The following PHACTR3 variants were observed in gnomAD, a reference collection of about 807,000 sequenced individuals.
PHACTR3 encodes protein phosphatase 1, regulatory subunit 123.
PHACTR3 carries 16 observed loss-of-function variants against 66.8 expected under a neutral mutation model. The observed-to-expected ratio is 0.24, with a 90% CI of 0.16 to 0.36. The LOEUF (loss-of-function observed/expected upper bound fraction) is 0.36, where lower values mean the gene tolerates loss of function less well. Among genes scored for constraint, PHACTR3 ranks in the 10% least tolerant of loss-of-function variants. The pLI is 1.00. For missense variants in PHACTR3, 647 were observed against 719.9 expected, an observed-to-expected ratio of 0.90 and a Z score of 1.16; for synonymous variants, 323 against 292.1, an observed-to-expected ratio of 1.11 and a Z score of -1.08.
chr20:59,582,931 T>G (rs2032904413), intron 1 of PHACTR3, among the ~76,000 whole-genome samples: 1 of 141,884 alleles, frequency 7.0e-6, no homozygotes, highest in East Asian at 1.9e-4. Context: ...TGTATCCAGC[T>G]TTTTTTTTGT....
At chr20:59,842,298 A>C (rs1395603745) in intron 11 of PHACTR3, among the ~76,000 whole-genome samples, 1 of 152,200 alleles carries the variant, frequency 6.6e-6, no homozygotes, top group Non-Finnish European at 1.5e-5. Flanking sequence ...TTAGGAAGAG[A>C]AAAATTATAC....
At chr20:59,797,455 C>G (rs954557169) in intron 7 of PHACTR3, among the ~76,000 whole-genome samples, 1 of 151,938 alleles carries the variant, frequency 6.6e-6, no homozygotes. Flanking sequence ...GGTACAATCA[C>G]CTCTTCTAAT....
intron 3 of PHACTR3, among the ~76,000 whole-genome samples, chr20:59,749,992 A>G (rs2146797622): frequency 6.6e-6 from 1 of 152,252 alleles, no homozygotes. Context: ...TCTTTCCTTG[A>G]GAGGGAAAAT....
chr20:59,586,270 A>G (rs764849170), intron 1 of PHACTR3, among the ~76,000 whole-genome samples: 1 of 152,152 alleles, frequency 6.6e-6, no homozygotes, highest in Non-Finnish European at 1.5e-5. Context: ...TAGACTCTTC[A>G]CTGGATGAGG....
In PHACTR3 at chr20:59,746,116, T is replaced by G. The variant is rs189017145; in HGVS notation, c.281-1642T>G. 2.6e-5 allele frequency among the ~76,000 whole-genome samples: 4 copies of G among 152,360 alleles called. No homozygotes were observed. The East Asian group carries it at 7.7e-4, about 29-fold the overall frequency. ...CAATTCTGGCACCTGGAAATTGGCT[T>G]GGAAATTGGGACCACAGAAAGGAAA... On this transcript the variant is annotated intron_variant, in intron 2 of 12. Transcript: ENST00000371015.
rs2033610971 is a variant in PHACTR3 at position 59,605,076 on chromosome 20, C to T, written c.62C>T (p.Pro21Leu). 7 of 1,421,646 alleles carry T rather than the reference C, an allele frequency of 4.9e-6. No homozygotes were observed. Among genetic ancestry groups the T allele is most frequent in the Non-Finnish European group, 5.5e-6 (6 of 1,082,074 alleles). The allele number at this position is 1,421,646 out of a possible 1,614,324, so 88.1% of individuals were successfully genotyped here. ...TCGCGGGGCCGCTCGCAGAGTGACC[C>T]CAGCGTCCTCACCGACTCCTCGGCC... ...LVSRGRSQSDPSVLTDSSATS... is the reference protein window; with the variant it reads ...LVSRGRSQSDLSVLTDSSATS... The change falls in exon 1 of 13, where the codon CCC becomes CTC. Residue 21 changes from proline (P) to leucine (L), a missense_variant. This residue lies in a region of PHACTR3 where 577 missense variants were observed against 571.1 expected (regional missense o/e 1.01). Coordinates refer to ENST00000371015, the MANE Select transcript of PHACTR3 (RefSeq NM_080672.5).
chr20:59,768,965 T>C (rs961929287), intron 5 of PHACTR3, among the ~76,000 whole-genome samples: 42 of 152,290 alleles, frequency 2.8e-4, no homozygotes, highest in African/African-American at 9.6e-4. Flanking sequence ...CCAAGTAGTA[T>C]TGGTTTGTGG....
rs148190777 is a variant in PHACTR3, at chr20:59,716,995, TGAATG to T, written c.119-26111_119-26107del. 7.2e-3 allele frequency among the ~76,000 whole-genome samples: 1,090 copies of T among 152,318 alleles called. 12 individuals carry two copies. Among genetic ancestry groups the T allele is most frequent in the African/African-American group, 0.025 (1,037 of 41,568 alleles). ...GCTCTCTTAGTGTTAGTAAAATACA[TGAATG>T]AATGAATGAGTGAATTAATGGATGG... On this transcript the variant is annotated intron_variant, in intron 1 of 12. Transcript: ENST00000371015.
At chr20:59,822,640 G>T (rs1600719096) in intron 8 of PHACTR3, among the ~76,000 whole-genome samples, 3 of 152,128 alleles carry the variant, frequency 2.0e-5, no homozygotes, top group Non-Finnish European at 4.4e-5. Context: ...GATGAGGTGC[G>T]CCTGTCTTTT....
intron 1 of PHACTR3, among the ~76,000 whole-genome samples, chr20:59,720,615 G>A (rs1338696216): frequency 6.6e-6 from 1 of 152,316 alleles, no homozygotes; most frequent in Non-Finnish European, 1.5e-5. Flanking sequence ...GAAGCCGAAG[G>A]TGCACACAAT....
intron 6 of PHACTR3, 143 bp from the exon 7 acceptor site, chr20:59,774,100 C>G (rs966111393): frequency 1.0e-6 from 1 of 995,056 alleles, no homozygotes; most frequent in Admixed American, 3.0e-5. Flanking sequence ...CATGCTCCTT[C>G]TGGTGTGTCC....
At chr20:59,728,168 T>G (rs2038631784) in intron 1 of PHACTR3, among the ~76,000 whole-genome samples, 2 of 152,094 alleles carry the variant, frequency 1.3e-5, no homozygotes. Context: ...CCATGCCCAT[T>G]CTCCCCTCCC....
intron 1 of PHACTR3, among the ~76,000 whole-genome samples, chr20:59,696,051 G>A (rs1244834907): frequency 6.6e-6 from 1 of 152,134 alleles, no homozygotes; most frequent in Non-Finnish European, 1.5e-5. Flanking sequence ...TTTGACCTGG[G>A]GAGAGTTAAA....
chr20:59,704,157 G>A (rs1019772869), intron 1 of PHACTR3, among the ~76,000 whole-genome samples: 1 of 152,034 alleles, frequency 6.6e-6, no homozygotes, highest in South Asian at 2.1e-4. Context: ...CCTTCCCATC[G>A]GCAAGGAATA....
intron 12 of PHACTR3, among the ~76,000 whole-genome samples, chr20:59,846,657 A>T (rs2059152722): frequency 1.3e-5 from 2 of 152,164 alleles, no homozygotes; most frequent in Non-Finnish European, 2.9e-5. Flanking sequence ...AATACTTAAA[A>T]TGTGGTATAA....
chr20:59,686,842 GTGATGATGGTGA>G (rs1385079603), intron 1 of PHACTR3, among the ~76,000 whole-genome samples: 1 of 140,022 alleles, frequency 7.1e-6, no homozygotes, highest in Non-Finnish European at 1.6e-5. Flanking sequence ...GATGATGATG[GTGATGATGGTGA>G]TGATGATGGT....
intron 1 of PHACTR3, among the ~76,000 whole-genome samples, chr20:59,585,402 A>G (rs543644406): frequency 2.9e-4 from 44 of 152,258 alleles, no homozygotes; most frequent in Middle Eastern, 3.4e-3. Flanking sequence ...CGACCCAGGC[A>G]CGTTTTTCTT....
chr20:59,737,905 C>T (rs1448777443), intron 1 of PHACTR3, among the ~76,000 whole-genome samples: 1 of 152,168 alleles, frequency 6.6e-6, no homozygotes, highest in Non-Finnish European at 1.5e-5. Flanking sequence ...GGCCAAAGTG[C>T]TCCCTCGCCA....
chr20:59,767,168 G>A lies in PHACTR3; in HGVS notation c.542-18G>A. 6.2e-7 allele frequency: 1 copy of A among 1,613,886 alleles called. No individual in the cohort carries two copies. The highest frequency in any genetic ancestry group is 8.5e-7 in the Non-Finnish European group (1 of 1,179,796). On this transcript the variant is annotated intron_variant, in intron 4 of 12. Coordinates refer to ENST00000371015, the MANE Select transcript of PHACTR3 (RefSeq NM_080672.5). Reference sequence around the variant, plus strand: ...AGAGGAAACATGTTTTTAACTCTCTGCTTTGCCTTTGAACCAGCCAAGATG... The same window carrying A: ...AGAGGAAACATGTTTTTAACTCTCTACTTTGCCTTTGAACCAGCCAAGATG...
Sources: gnomAD v4.1 joint callset for allele counts (sites outside exome capture counted in the v4.1 genomes callset) on GRCh38, gnomAD v4.1.1 for gene constraint, gnomAD v4.1.1 regional missense constraint, MANE v1.5 for transcripts, NCBI Gene and HGNC (gene_info 2026-07-23, HGNC 2026-07-21) for gene names.